Variants in COL18A1 observed in about 807,000 individuals in gnomAD.
The protein encoded by COL18A1 is collagen alpha-1(XVIII) chain.
A neutral mutation model predicts 168.0 loss-of-function variants in COL18A1; 133 were observed. The ratio of observed to expected loss-of-function variants is 0.79; its 90% CI spans 0.69 to 0.91. The LOEUF is 0.91. Among genes scored for constraint, COL18A1 ranks in the 40% least tolerant of loss-of-function variants. The pLI is 0.00. For synonymous variants in COL18A1, 949 were observed against 809.0 expected (o/e 1.17, Z -2.94); for missense variants, 2,126 against 1,925.4 (o/e 1.10, Z -1.95).
rs2034877405 is a variant in COL18A1 at position 45,457,468 on chromosome 21, CCA to C, written c.107-10771_107-10770del. ...CATCCTGAAGCACACAGCCTCCCTGCCACAGTGGGGGCCGCTTCTGGGCCCAG... is the reference window on the plus strand; with the variant it reads ...CATCCTGAAGCACACAGCCTCCCTGCCAGTGGGGGCCGCTTCTGGGCCCAG... On this transcript the variant is annotated intron_variant, in intron 2 of 41. Coordinates refer to ENST00000651438, the MANE Select transcript of COL18A1 (RefSeq NM_001379500.1). The surrounding 1 kb of genome is among the most constrained non-coding windows in gnomAD (Gnocchi z 4.6). Among the ~76,000 whole-genome samples, 1 of 152,204 alleles carries C rather than the reference CCA, an allele frequency of 6.6e-6. No homozygotes were observed. Among genetic ancestry groups the C allele is most frequent in the Non-Finnish European group, 1.5e-5 (1 of 68,036 alleles).
chr21:45,457,619 A>G lies in COL18A1; in HGVS notation c.107-10623A>G, dbSNP rs2034885296. Among the ~76,000 whole-genome samples the G allele has an allele frequency of 6.6e-6, 1 of 152,194 alleles. No homozygotes were observed. Among genetic ancestry groups the G allele is most frequent in the Non-Finnish European group, 1.5e-5 (1 of 68,028 alleles). ...GCAGGGGCAGCCCAGAAAGGACCCC[A>G]GCAGATCCCTCCTCTGTGTCCGGGA... On this transcript the variant is annotated intron_variant, in intron 2 of 41. Transcript: ENST00000651438. This position sits in a 1 kb window ranked among gnomAD's most constrained non-coding sequence, Gnocchi z 4.6.
intron 2 of COL18A1, among the ~76,000 whole-genome samples, chr21:45,428,225 C>T (rs2033862489): frequency 6.6e-6 from 1 of 152,114 alleles, no homozygotes; most frequent in Non-Finnish European, 1.5e-5. Context: ...GTGAGGGTGG[C>T]CTCGGGCCTC....
intron 2 of COL18A1, among the ~76,000 whole-genome samples, chr21:45,440,968 C>T (rs112493715): frequency 2.8e-4 from 43 of 152,336 alleles, no homozygotes; most frequent in African/African-American, 1.0e-3. Context: ...GGGACGCTCA[C>T]TCATAGGAGG....
chr21:45,487,043 C>T, intron 16 of COL18A1, 51 bp downstream of exon 16: 3 of 1,463,232 alleles, frequency 2.1e-6, no homozygotes, highest in South Asian at 1.4e-5. Flanking sequence ...CTGCCGTTGC[C>T]CCAGCCCTAC....
intron 2 of COL18A1, among the ~76,000 whole-genome samples, chr21:45,407,129 G>A (rs745511977): frequency 2.6e-5 from 4 of 152,252 alleles, no homozygotes; most frequent in Non-Finnish European, 5.9e-5. Flanking sequence ...GCCACCCGCA[G>A]CCCGGGTTCC....
chr21:45,470,956 C>T (rs560261232), intron 3 of COL18A1, among the ~76,000 whole-genome samples: 11 of 150,626 alleles, frequency 7.3e-5, no homozygotes, highest in African/African-American at 1.7e-4. Context: ...TGCAGCAGGC[C>T]GTGTGCTGCT....
At chr21:45,478,030 A>G in intron 8 of COL18A1, 65 bp downstream of exon 8, 7 of 912,446 alleles carry the variant, frequency 7.7e-6, no homozygotes, top group African/African-American at 1.6e-5. Flanking sequence ...TAGGAGGGGG[A>G]GAGGCTGCGG....
Position 45,480,825 on chromosome 21 carries a change from G to A in COL18A1, c.1578G>A (p.Gly526=). Residue 526 remains glycine (G), a synonymous_variant, in exon 13 of 42, where the codon GGG becomes GGA. Transcript: ENST00000651438. ...CCGCCGGCCTTCCTGGTGTGCCTGG[G>A]CGCGAGGGTCCCCCCGGGTTTCCTG... ...PGPAGLPGVP[G]REGPPGFPGL... is the part of the protein sequence containing the mutation. The A allele has an allele frequency of 1.2e-6, 2 of 1,611,768 alleles. No individual in the cohort carries two copies. The highest frequency in any genetic ancestry group is 1.7e-6 in the Non-Finnish European group (2 of 1,179,644).
intron 2 of COL18A1, among the ~76,000 whole-genome samples, chr21:45,454,140 G>A (rs368480020): frequency 6.6e-6 from 1 of 152,164 alleles, no homozygotes; most frequent in Non-Finnish European, 1.5e-5. Context: ...TTGGGAGCAC[G>A]GCCTCACTGA....
intron 38 of COL18A1, among the ~76,000 whole-genome samples, chr21:45,508,145 A>G (rs2037339446): frequency 1.5e-5 from 2 of 131,312 alleles, no homozygotes; most frequent in African/African-American, 6.0e-5. Flanking sequence ...GTGGATGGAA[A>G]GGTGGGTGAG....
Position 45,498,381 on chromosome 21 carries a change from C to A in COL18A1, c.2683+720C>A. On this transcript the variant is annotated intron_variant, in intron 32 of 41. Transcript: ENST00000651438. The surrounding 1 kb of genome is among the most constrained non-coding windows in gnomAD (Gnocchi z 4.5). ...CCCTCTCGCCACCACGGTCCCCTCTCGCCGCCAGGGTCCCCTCTCGCCGCC... is the reference window on the plus strand; with the variant it reads ...CCCTCTCGCCACCACGGTCCCCTCTAGCCGCCAGGGTCCCCTCTCGCCGCC... The A allele has an allele frequency of 1.5e-6, 1 of 659,088 alleles. No homozygotes were observed. The allele number at this position is 659,088 out of a possible 1,614,324, so 40.8% of individuals were successfully genotyped here.
In COL18A1 at chr21:45,438,224, ACT is replaced by A. The variant is rs1414827160; in HGVS notation, c.107-30016_107-30015del. Among the ~76,000 whole-genome samples the A allele has an allele frequency of 8.1e-5, 8 of 99,260 alleles. 1 individual carries two copies. Among genetic ancestry groups the A allele is most frequent in the African/African-American group, 1.5e-4 (3 of 20,300 alleles). The allele number at this position is 99,260 out of a possible 152,430, so 65.1% of individuals were successfully genotyped here. ...CTCTCCTGCACACACACACTCACAC[ACT>A]CAGACACACAGGCACTCTCCTGCAC... On this transcript the variant is annotated intron_variant, in intron 2 of 41. Transcript: ENST00000651438.
chr21:45,421,111 T>C, intron 2 of COL18A1: 1 of 230,136 alleles, frequency 4.3e-6, no homozygotes, highest in Non-Finnish European at 8.3e-6. Flanking sequence ...CGGTACCGGG[T>C]CAGCTGGTGC....
chr21:45,438,367 C>G (rs557157696), intron 2 of COL18A1, among the ~76,000 whole-genome samples: 6 of 142,486 alleles, frequency 4.2e-5, no homozygotes, highest in South Asian at 2.2e-4. Flanking sequence ...CAGGCACTCT[C>G]CTGCACACAC....
At chr21:45,508,547 A>C (rs1220559883) in intron 38 of COL18A1, among the ~76,000 whole-genome samples, 1 of 151,160 alleles carries the variant, frequency 6.6e-6, no homozygotes, top group African/African-American at 2.4e-5. Context: ...GATGGGTAGA[A>C]ATATTTTCGT....
intron 2 of COL18A1, among the ~76,000 whole-genome samples, chr21:45,430,166 C>CGTG (rs1324634132): frequency 6.7e-6 from 1 of 149,948 alleles, no homozygotes; most frequent in African/African-American, 2.5e-5. Context: ...GTGCTGTGTC[C>CGTG]ATGAAGTGGG....
intron 2 of COL18A1, among the ~76,000 whole-genome samples, chr21:45,438,644 C>T (rs1300039386): frequency 1.3e-5 from 2 of 152,298 alleles, no homozygotes; most frequent in East Asian, 3.9e-4. Context: ...AGGCTAAGAC[C>T]CCATTTGCAC....
At chr21:45,420,137 A>G (rs1245106792) in intron 2 of COL18A1, 2 of 152,378 alleles carry the variant, frequency 1.3e-5, no homozygotes, top group East Asian at 3.9e-4. Flanking sequence ...TCCCCCCGAC[A>G]GGAGCGTCAG....
chr21:45,499,921 C>T (rs902005675), intron 32 of COL18A1, among the ~76,000 whole-genome samples: 1 of 152,246 alleles, frequency 6.6e-6, no homozygotes, highest in Non-Finnish European at 1.5e-5. Context: ...CCCGATACAT[C>T]TACAGGTGCT....
Sources: gnomAD v4.1 joint callset for allele counts (sites outside exome capture counted in the v4.1 genomes callset) on GRCh38, gnomAD v4.1.1 for gene constraint, Gnocchi (gnomAD v3.1) non-coding constraint, MANE v1.5 for transcripts, NCBI Gene and HGNC (gene_info 2026-07-23, HGNC 2026-07-21) for gene names.